The following PPIG variants were observed in gnomAD, a reference collection of about 807,000 sequenced individuals.
PPIG encodes the protein peptidylprolyl isomerase G.
A neutral mutation model predicts 87.9 loss-of-function variants in PPIG; 26 were observed. The ratio of observed to expected loss-of-function variants is 0.30; its 90% confidence interval spans 0.22 to 0.41. The LOEUF is 0.41. PPIG is among the 10% of genes least tolerant of loss of function. The pLI is 1.00. For missense variants in PPIG, 722 were observed against 879.4 expected (o/e 0.82, Z 2.26); for synonymous variants, 308 against 276.5 (o/e 1.11, Z -1.13).
At chr2:169,587,091 A>G (rs992754726) in intron 1 of PPIG, among the ~76,000 whole-genome samples, 1 of 151,844 alleles carries the variant, frequency 6.6e-6, no homozygotes, top group Non-Finnish European at 1.5e-5. Flanking sequence ...CTGCCACCAC[A>G]CCGGGTAATT....
chr2:169,620,089 T>C (rs753885807), intron 9 of PPIG, among the ~76,000 whole-genome samples: 44 of 152,140 alleles, frequency 2.9e-4, no homozygotes, highest in Non-Finnish European at 5.3e-4. Context: ...TTTGATGTTA[T>C]CCCATTTGTC....
intron 1 of PPIG, among the ~76,000 whole-genome samples, chr2:169,603,222 C>T (rs980497471): frequency 6.6e-6 from 1 of 152,042 alleles, no homozygotes; most frequent in South Asian, 2.1e-4. Context: ...CACTTAGTGC[C>T]TTTGTTTCTT....
rs543536985 is a variant in PPIG at position 169,614,858 on chromosome 2, C to A, written c.547+134C>A. The stretch of plus-strand genomic sequence containing the variant: ...TTTTGTTTTAAAATGTATTTCTGTG[C>A]TTTTATTTTTTACTTTTTTAAGTTG... On this transcript the variant is annotated intron_variant, in intron 9 of 13. Transcript: ENST00000260970. 1.6e-5 allele frequency: 17 copies of A among 1,085,134 alleles called. No homozygotes were observed. In the South Asian group the frequency reaches 3.2e-4, roughly 21 times the overall value. The allele number at this position is 1,085,134 out of a possible 1,614,324, so 67.2% of individuals were successfully genotyped here.
At chr2:169,623,797 T>C (rs985334074) in intron 9 of PPIG, among the ~76,000 whole-genome samples, 2 of 152,234 alleles carry the variant, frequency 1.3e-5, no homozygotes, top group African/African-American at 4.8e-5. Flanking sequence ...ATTTTAGGAA[T>C]ACTTTTGTTC....
intron 1 of PPIG, among the ~76,000 whole-genome samples, chr2:169,600,142 T>C (rs1436086706): frequency 6.6e-6 from 1 of 151,934 alleles, no homozygotes; most frequent in East Asian, 1.9e-4. Flanking sequence ...TGGCTTGATC[T>C]TGGCTCACTG....
At chr2:169,599,087 T>A (rs1291592096) in intron 1 of PPIG, among the ~76,000 whole-genome samples, 1 of 152,090 alleles carries the variant, frequency 6.6e-6, no homozygotes, top group South Asian at 2.1e-4. Context: ...GTGGAATTAC[T>A]GAGTCAGAGA....
chr2:169,631,488 C>G, intron 10 of PPIG: 1 of 844,260 alleles, frequency 1.2e-6, no homozygotes, highest in Non-Finnish European at 1.5e-6. Flanking sequence ...TTAAATTTAT[C>G]AGAGTGCATT....
chr2:169,630,489 TA>T (rs1289413154), intron 9 of PPIG, among the ~76,000 whole-genome samples: 5 of 152,140 alleles, frequency 3.3e-5, no homozygotes, highest in African/African-American at 7.2e-5. Flanking sequence ...TCTGTGCTTT[TA>T]AAAAAAATTC....
intron 1 of PPIG, among the ~76,000 whole-genome samples, chr2:169,601,141 G>A (rs1574442074): frequency 6.6e-6 from 1 of 152,266 alleles, no homozygotes; most frequent in South Asian, 2.1e-4. Context: ...TTCTTGGCTT[G>A]TGTTACAATG....
intron 7 of PPIG, among the ~76,000 whole-genome samples, chr2:169,611,199 CAAAT>C (rs1471352930): frequency 6.6e-6 from 1 of 151,676 alleles, no homozygotes; most frequent in Non-Finnish European, 1.5e-5. Context: ...CAGAAACAAA[CAAAT>C]AAAACAACTT....
At chr2:169,616,875 G>A (rs1685621242) in intron 9 of PPIG, among the ~76,000 whole-genome samples, 1 of 151,988 alleles carries the variant, frequency 6.6e-6, no homozygotes, top group South Asian at 2.1e-4. Flanking sequence ...GTCAATTTTG[G>A]CTTTTGTTGC....
chr2:169,613,873 C>G (rs930540811), intron 7 of PPIG, among the ~76,000 whole-genome samples: 3 of 152,176 alleles, frequency 2.0e-5, no homozygotes, highest in African/African-American at 7.2e-5. Flanking sequence ...ATGCAGTGAA[C>G]CAAGGTTGTG....
chr2:169,598,354 G>C (rs377669585), intron 1 of PPIG, among the ~76,000 whole-genome samples: 1 of 151,710 alleles, frequency 6.6e-6, no homozygotes, highest in East Asian at 1.9e-4. Context: ...GCAGTGGCGC[G>C]ATCTTGGCCC....
Position 169,618,991 on chromosome 2 carries a change from T to C in PPIG, c.547+4267T>C, listed in dbSNP as rs533789713. Among the ~76,000 whole-genome samples, 25 of 152,320 alleles carry C rather than the reference T, an allele frequency of 1.6e-4. No individual in the cohort carries two copies. In the South Asian group the frequency reaches 5.0e-3, roughly 30 times the overall value. ...ATGTTAGGGTGTCCATTTTAGATCT[T>C]TCCTGCTTTCTCTTGTGGGCATTTA... is the stretch of plus-strand genomic sequence containing the variant. On this transcript the variant is annotated intron_variant, in intron 9 of 13. Transcript: ENST00000260970.
chr2:169,628,481 G>A (rs745917414), intron 9 of PPIG, among the ~76,000 whole-genome samples: 27 of 152,116 alleles, frequency 1.8e-4, no homozygotes, highest in Non-Finnish European at 2.6e-4. Flanking sequence ...TGTATCTTGG[G>A]TTTAGTATAT....
chr2:169,605,200 A>G (rs533378549), intron 4 of PPIG, among the ~76,000 whole-genome samples: 1 of 152,142 alleles, frequency 6.6e-6, no homozygotes, highest in East Asian at 1.9e-4. Flanking sequence ...CAGGCGTGGT[A>G]GTGGGTGCCT....
rs1441986498 is a variant in PPIG at position 169,592,311 on chromosome 2, T to C, written c.-70+7821T>C. Among the ~76,000 whole-genome samples the C allele has an allele frequency of 5.8e-5, 8 of 138,168 alleles. No homozygotes were observed. The East Asian group carries it at 1.7e-3, about 29-fold the overall frequency. 90.6% of individuals were successfully genotyped at this position (138,168 alleles called of 152,430 possible). On this transcript the variant is annotated intron_variant, in intron 1 of 13. Transcript: ENST00000260970. ...TTTCAGATGTCTTTTTTCTTTTTTT[T>C]TTTTTTTTTTTGAGATGGAGTCTCG...
At chr2:169,632,078 T>C in intron 11 of PPIG, 145 bp downstream of exon 11, 1 of 1,152,276 alleles carries the variant, frequency 8.7e-7, no homozygotes, top group Non-Finnish European at 1.2e-6. Flanking sequence ...GCAAAGTTCT[T>C]TTTTGCCAAC....
Position 169,620,347 on chromosome 2 carries a change from T to C in PPIG, c.547+5623T>C, listed in dbSNP as rs187063608. ...TATTGAAGAGACTGTCCTTTCCCCA[T>C]TGTGTGTTCTTGGCAATTTTGTTTT... On this transcript the variant is annotated intron_variant, in intron 9 of 13. Coordinates refer to ENST00000260970, the MANE Select transcript of PPIG (RefSeq NM_004792.3). Among the ~76,000 whole-genome samples, 8 of 152,246 alleles carry C rather than the reference T, an allele frequency of 5.3e-5. No individual in the cohort carries two copies. The East Asian group carries it at 1.5e-3, about 29-fold the overall frequency.
Sources: allele counts gnomAD v4.1 joint callset (sites outside exome capture counted in the v4.1 genomes callset), GRCh38; gene constraint gnomAD v4.1.1; transcripts MANE v1.5; gene names NCBI Gene and HGNC (gene_info 2026-07-23, HGNC 2026-07-21).